The following MRPS6 variants were observed in gnomAD, a reference collection of about 807,000 sequenced individuals.
MRPS6 encodes the protein mitochondrial ribosomal protein S6, also known as small ribosomal subunit protein bS6m.
Under a neutral mutation model 13.1 loss-of-function variants are expected in MRPS6, and 6 were observed. The observed-to-expected ratio is 0.46, with a 90% confidence interval of 0.25 to 0.91. MRPS6 has a LOEUF of 0.91. MRPS6 is among the 40% of genes least tolerant of loss of function. The pLI is 0.18. For missense variants in MRPS6, 164 were observed against 155.6 expected (o/e 1.05, Z -0.29); for synonymous variants, 61 against 56.5 (o/e 1.08, Z -0.36).
At chr21:34,079,333 G>A (rs77431349) in intron 1 of MRPS6, among the ~76,000 whole-genome samples, 2 of 152,226 alleles carry the variant, frequency 1.3e-5, no homozygotes, top group Non-Finnish European at 2.9e-5. Flanking sequence ...AAATGTGCCA[G>A]CCCCTGATTT....
At chr21:34,073,779 C>T (rs758824444) in intron 1 of MRPS6, 34 bp downstream of exon 1, 8 of 1,446,264 alleles carry the variant, frequency 5.5e-6, no homozygotes, top group South Asian at 2.5e-5. Context: ...GGTCTTCCCG[C>T]GCGGGCGCCC....
At chr21:34,074,185 C>T (rs1342818482) in intron 1 of MRPS6, among the ~76,000 whole-genome samples, 2 of 150,080 alleles carry the variant, frequency 1.3e-5, no homozygotes, top group Non-Finnish European at 3.0e-5. Flanking sequence ...TGGTCCGTCC[C>T]GCTCCGCCGC....
At chr21:34,135,362 T>G (rs1158771309) in intron 2 of MRPS6, 2 of 167,948 alleles carry the variant, frequency 1.2e-5, no homozygotes, top group African/African-American at 2.4e-5. Context: ...TTTTTTTTTT[T>G]TTTTTTTTTT....
intron 1 of MRPS6, chr21:34,095,848 ACATGTTGGCC>A: frequency 6.2e-7 from 1 of 1,614,096 alleles, no homozygotes. Flanking sequence ...AAGAGAAGGT[ACATGTTGGCC>A]TCACCCGATG....
Position 34,112,518 on chromosome 21 carries a change from C to T in MRPS6, c.46-12823C>T, listed in dbSNP as rs546955728. The stretch of plus-strand genomic sequence containing the variant: ...GGTTTTTAAAGTTGTGCAACCATCA[C>T]CACAGTCAGTTTTAGAACATTCATA... On this transcript the variant is annotated intron_variant, in intron 1 of 2. Coordinates refer to ENST00000399312, the MANE Select transcript of MRPS6 (RefSeq NM_032476.4). Among the ~76,000 whole-genome samples the T allele has an allele frequency of 6.6e-5, 10 of 152,302 alleles. No individual in the cohort carries two copies. In the East Asian group the frequency reaches 1.9e-3, roughly 29 times the overall value.
chr21:34,098,084 G>T, intron 1 of MRPS6: 1 of 998,994 alleles, frequency 1.0e-6, no homozygotes, highest in Non-Finnish European at 1.2e-6. Flanking sequence ...TGATTGTGTT[G>T]TTAAATGATT....
intron 1 of MRPS6, chr21:34,101,613 C>T: frequency 1.0e-6 from 1 of 1,000,144 alleles, no homozygotes; most frequent in Non-Finnish European, 1.2e-6. Flanking sequence ...GTCTTTTCAG[C>T]ACTTAGCAAA....
At position 34,077,171 on chromosome 21, in the gene MRPS6, T is replaced by C. The variant is rs185152174; in HGVS notation, c.45+3426T>C. On this transcript the variant is annotated intron_variant, in intron 1 of 2. Coordinates refer to ENST00000399312, the MANE Select transcript of MRPS6 (RefSeq NM_032476.4). ...GAAGCCCTTTGGTTTCACTTGATAA[T>C]TAGATTTTAAAGGTTGGTATTTCAG... 1.9e-3 allele frequency among the ~76,000 whole-genome samples: 284 copies of C among 152,310 alleles called. 1 individual carries two copies. The highest frequency in any genetic ancestry group is 6.4e-3 in the African/African-American group (268 of 41,562).
chr21:34,106,080 T>C (rs1466158565), intron 1 of MRPS6: 7 of 997,122 alleles, frequency 7.0e-6, no homozygotes, highest in Non-Finnish European at 1.2e-6. Context: ...CTTTGTGTAC[T>C]GTGTGTTATT....
At position 34,097,704 on chromosome 21, in the gene MRPS6, A is replaced by T. The variant is rs115860747; in HGVS notation, c.45+23959A>T. The T allele has an allele frequency of 1.4e-3, 1,401 of 1,017,276 alleles. 10 individuals carry two copies. The African/African-American group carries it at 0.017, about 12-fold the overall frequency. 63.0% of individuals were successfully genotyped at this position (1,017,276 alleles called of 1,614,324 possible). The stretch of plus-strand genomic sequence containing the variant: ...ACTGTCTGCACTGCCAAGTCTTGGC[A>T]GACCTTACCCTGAAGTAGAAGATTT... On this transcript the variant is annotated intron_variant, in intron 1 of 2. Transcript: ENST00000399312.
chr21:34,135,248 C>A (rs185544205), intron 2 of MRPS6, among the ~76,000 whole-genome samples: 12 of 148,200 alleles, frequency 8.1e-5, no homozygotes, highest in South Asian at 2.1e-4. Flanking sequence ...GCTTTAATTT[C>A]TTTGGGGTAA....
chr21:34,080,217 G>T (rs531290530), intron 1 of MRPS6, among the ~76,000 whole-genome samples: 45 of 152,310 alleles, frequency 3.0e-4, no homozygotes, highest in Admixed American at 5.9e-4. Context: ...AAAGCATTAA[G>T]TGATGGCTTT....
intron 1 of MRPS6, among the ~76,000 whole-genome samples, chr21:34,093,250 T>C (rs1978799269): frequency 6.6e-6 from 1 of 152,016 alleles, no homozygotes; most frequent in African/African-American, 2.4e-5. Flanking sequence ...TTTTTTTTTT[T>C]TTTTTGCTTT....
chr21:34,097,759 T>C (rs556905240), intron 1 of MRPS6: 1 of 1,004,326 alleles, frequency 1.0e-6, no homozygotes, highest in East Asian at 1.1e-4. Flanking sequence ...TTTCTGTCTC[T>C]GTAATCCCTC....
chr21:34,087,615 A>C (rs1407085928), intron 1 of MRPS6, among the ~76,000 whole-genome samples: 1 of 152,228 alleles, frequency 6.6e-6, no homozygotes, highest in East Asian at 1.9e-4. Flanking sequence ...ACTTTTGTGC[A>C]AAGACGTAAA....
intron 1 of MRPS6, among the ~76,000 whole-genome samples, chr21:34,107,820 GTGCTT>G (rs751680985): frequency 1.3e-5 from 2 of 152,158 alleles, no homozygotes; most frequent in African/African-American, 2.4e-5. Context: ...CAATTCTTGA[GTGCTT>G]TGCATTTTCC....
chr21:34,085,499 T>C (rs958131321), intron 1 of MRPS6, among the ~76,000 whole-genome samples: 2 of 152,204 alleles, frequency 1.3e-5, no homozygotes, highest in African/African-American at 2.4e-5. Context: ...GCATTGGTTT[T>C]AGCATCTGTT....
chr21:34,095,032 C>G, intron 1 of MRPS6: 1 of 786,990 alleles, frequency 1.3e-6, no homozygotes, highest in Non-Finnish European at 1.9e-6. Flanking sequence ...TTTATCACAA[C>G]CACCACCATC....
intron 1 of MRPS6, among the ~76,000 whole-genome samples, chr21:34,122,019 C>T (rs1008737142): frequency 2.0e-5 from 3 of 152,140 alleles, no homozygotes; most frequent in Admixed American, 2.0e-4. Flanking sequence ...ACCCTCTATA[C>T]GTCAGTCAGT....
Sources: allele counts gnomAD v4.1 joint callset (sites outside exome capture counted in the v4.1 genomes callset), GRCh38; gene constraint gnomAD v4.1.1; transcripts MANE v1.5; gene names NCBI Gene and HGNC (gene_info 2026-07-23, HGNC 2026-07-21).